Variants in DPP6 observed in about 807,000 individuals in gnomAD.
DPP6 encodes the protein A-type potassium channel modulatory protein DPP6.
A neutral mutation model predicts 122.6 loss-of-function variants in DPP6; 69 were observed. That is an observed-to-expected ratio of 0.56 (90% CI 0.46 to 0.69). The LOEUF is 0.69. Ranked by LOEUF, DPP6 falls within the 30% of genes least tolerant of loss-of-function variation. The pLI, the probability that DPP6 is intolerant of heterozygous loss-of-function variation, is 0.00. For synonymous variants in DPP6, 418 were observed against 433.1 expected (o/e 0.97, Z 0.43); for missense variants, 928 against 1,116.9 (o/e 0.83, Z 2.41).
At chr7:154,213,854 A>G (rs1272026690) in intron 1 of DPP6, among the ~76,000 whole-genome samples, 1 of 152,180 alleles carries the variant, frequency 6.6e-6, no homozygotes, top group Non-Finnish European at 1.5e-5. Flanking sequence ...GCCAGGGAGG[A>G]GACCCTGGAA....
intron 17 of DPP6, 95 bp downstream of exon 17, chr7:154,853,922 A>ATCCCTCTGTCTCTGAGTAG: frequency 6.6e-7 from 1 of 1,523,514 alleles, no homozygotes; most frequent in Non-Finnish European, 9.0e-7. Context: ...TCTCCTACTC[A>ATCCCTCTGTCTCTGAGTAG]GAGACAGAGG....
chr7:154,089,914 T>C (rs2533643), intron 1 of DPP6, among the ~76,000 whole-genome samples: 7 of 152,400 alleles, frequency 4.6e-5, no homozygotes, highest in South Asian at 2.1e-4. Context: ...AAGCCCTGTC[T>C]ACCTTTAGAG....
chr7:154,688,997 CT>C (rs1209317446), intron 7 of DPP6, among the ~76,000 whole-genome samples: 1 of 152,198 alleles, frequency 6.6e-6, no homozygotes, highest in Middle Eastern at 3.2e-3. Flanking sequence ...TCTGTGGTTT[CT>C]TTTGGATCTT....
At position 153,939,277 on chromosome 7, in the gene DPP6, A is replaced by G. The variant is rs76127320; in HGVS notation, c.51+51543A>G. Among the ~76,000 whole-genome samples, 114 of 152,342 alleles carry G rather than the reference A, an allele frequency of 7.5e-4. No individual in the cohort carries two copies. The East Asian group carries it at 0.02, about 27-fold the overall frequency. On this transcript the variant is annotated intron_variant, in intron 1 of 25. Transcript: ENST00000404039. ...AAGTGTTCTAGATAACACACAGTCT[A>G]TAAAGTACAAGCGTTAAGTCACAGC... is the stretch of plus-strand genomic sequence containing the variant.
At chr7:154,610,530 G>A (rs1485748522) in intron 5 of DPP6, among the ~76,000 whole-genome samples, 1 of 152,158 alleles carries the variant, frequency 6.6e-6, no homozygotes, top group African/African-American at 2.4e-5. Flanking sequence ...TGCAGCACCT[G>A]TCTTATGTAG....
intron 1 of DPP6, among the ~76,000 whole-genome samples, chr7:154,098,434 G>T (rs1805490657): frequency 6.6e-6 from 1 of 152,146 alleles, no homozygotes; most frequent in African/African-American, 2.4e-5. Context: ...CAAAGAATTT[G>T]CGGTCATCTT....
intron 1 of DPP6, among the ~76,000 whole-genome samples, chr7:154,351,463 G>A (rs1810850558): frequency 6.6e-6 from 1 of 152,130 alleles, no homozygotes; most frequent in East Asian, 1.9e-4. Context: ...ATTAAGACAG[G>A]GGATTAGAGA....
At chr7:154,059,209 C>G (rs1466786006) in intron 1 of DPP6, 1 of 146,334 alleles carries the variant, frequency 6.8e-6, no homozygotes, top group South Asian at 2.2e-4. Context: ...GCACCCCCCG[C>G]GAGGTAGGGA....
chr7:154,703,265 A>G (rs1840625818), intron 7 of DPP6, among the ~76,000 whole-genome samples: 1 of 152,204 alleles, frequency 6.6e-6, no homozygotes, highest in Admixed American at 6.5e-5. Flanking sequence ...CCCACATAAC[A>G]TCCATTTTGC....
the DPP6 span, among the ~76,000 whole-genome samples, chr7:153,805,263 T>C: frequency 3.9e-5 from 6 of 152,232 alleles, no homozygotes; most frequent in Non-Finnish European, 7.3e-5. Flanking sequence ...TGATAAAATA[T>C]AGTATATGAC....
chr7:154,777,785 CAA>C (rs1796675402), intron 10 of DPP6, among the ~76,000 whole-genome samples: 2 of 152,102 alleles, frequency 1.3e-5, no homozygotes, highest in Non-Finnish European at 2.9e-5. Context: ...TCCCAGAACC[CAA>C]GACACAAAAC....
At chr7:154,133,171 A>G (rs538682849) in intron 1 of DPP6, among the ~76,000 whole-genome samples, 2 of 152,348 alleles carry the variant, frequency 1.3e-5, no homozygotes, top group South Asian at 2.1e-4. Flanking sequence ...ATGTTATTAT[A>G]TACCTCATAG....
intron 8 of DPP6, among the ~76,000 whole-genome samples, chr7:154,757,324 C>T (rs1240843996): frequency 1.3e-5 from 2 of 152,214 alleles, no homozygotes; most frequent in African/African-American, 4.8e-5. Flanking sequence ...GTGCAGGTCC[C>T]TCCCTGCGAG....
the DPP6 span, among the ~76,000 whole-genome samples, chr7:153,825,543 AT>A: frequency 1.9e-5 from 2 of 103,902 alleles, no homozygotes; most frequent in Non-Finnish European, 3.9e-5. Context: ...CATCTTGCCC[AT>A]TTTTTTCTTT....
chr7:154,402,441 C>T (rs1228393126), intron 1 of DPP6, among the ~76,000 whole-genome samples: 1 of 150,628 alleles, frequency 6.6e-6, no homozygotes, highest in African/African-American at 2.5e-5. Flanking sequence ...AGTTCATGTC[C>T]TTTGTAGGGA....
At chr7:153,867,863 G>T in the DPP6 span, among the ~76,000 whole-genome samples, 1 of 152,254 alleles carries the variant, frequency 6.6e-6, no homozygotes. Flanking sequence ...AGCATGAAGG[G>T]TTGTTGAATT....
chr7:154,213,352 T>A (rs1031958107), intron 1 of DPP6, among the ~76,000 whole-genome samples: 1 of 152,226 alleles, frequency 6.6e-6, no homozygotes, highest in Non-Finnish European at 1.5e-5. Context: ...TTCCTAGAGG[T>A]AGTCCAGGCC....
chr7:154,081,308 T>A (rs1342386788), intron 1 of DPP6, among the ~76,000 whole-genome samples: 1 of 147,920 alleles, frequency 6.8e-6, no homozygotes, highest in Non-Finnish European at 1.5e-5. Context: ...TGCACAGGAA[T>A]GTAGAAAGGG....
At chr7:153,916,316 A>C (rs552820987) in intron 1 of DPP6, among the ~76,000 whole-genome samples, 4 of 149,920 alleles carry the variant, frequency 2.7e-5, no homozygotes, top group South Asian at 2.1e-4. Context: ...GTGGGGCCTG[A>C]ACAGTCAGTC....
Sources: allele counts gnomAD v4.1 joint callset (sites outside exome capture counted in the v4.1 genomes callset), GRCh38; gene constraint gnomAD v4.1.1; transcripts MANE v1.5; gene names NCBI Gene and HGNC (gene_info 2026-07-23, HGNC 2026-07-21).